Variants in EXOC4 observed in about 807,000 individuals in gnomAD.
EXOC4 encodes exocyst complex component 4, also known as SEC8-like 1.
A neutral mutation model predicts 107.2 loss-of-function variants in EXOC4; 71 were observed. That is an observed-to-expected ratio of 0.66 (90% CI 0.55 to 0.81). The LOEUF (loss-of-function observed/expected upper bound fraction) is 0.81. Among genes scored for constraint, EXOC4 ranks in the 30% least tolerant of loss-of-function variants. The probability of loss-of-function intolerance (pLI) is 0.00; values close to 1 mark genes in which losing one functional copy is unlikely to be tolerated. For synonymous variants in EXOC4, 456 were observed against 441.2 expected, an observed-to-expected ratio of 1.03 and a Z score of -0.42; for missense variants, 1,108 against 1,189.6, an observed-to-expected ratio of 0.93 and a Z score of 1.01.
the EXOC4 span, among the ~76,000 whole-genome samples, chr7:134,097,292 T>C: frequency 6.6e-6 from 1 of 152,066 alleles, no homozygotes. Flanking sequence ...CTCCCAGCTC[T>C]TGGTCATCTC....
At chr7:133,979,297 G>A (rs1793916516) in intron 14 of EXOC4, among the ~76,000 whole-genome samples, 1 of 152,068 alleles carries the variant, frequency 6.6e-6, no homozygotes, top group Non-Finnish European at 1.5e-5. Context: ...ACCAGGTAAA[G>A]GTAATCACAC....
intron 17 of EXOC4, among the ~76,000 whole-genome samples, chr7:134,035,429 TTAGG>T (rs1795366994): frequency 6.6e-6 from 1 of 152,072 alleles, no homozygotes; most frequent in Non-Finnish European, 1.5e-5. Flanking sequence ...AAATAGTGGT[TTAGG>T]TAGTTAATTT....
rs1219436643 is a variant in EXOC4, at chr7:133,895,711, A to G, written c.1847A>G (p.Lys616Arg). ...GTGTGCGTGAAGCTCCAGGAGTACA[A>G]GGACACCTGCACTGCAGCTTACAGG... is the stretch of plus-strand genomic sequence containing the variant. Reference protein sequence around the residue: ...NMVCVKLQEYKDTCTAAYRGI... With the variant: ...NMVCVKLQEYRDTCTAAYRGI... The change falls in exon 12 of 18, where the codon AAG becomes AGG. Residue 616 changes from lysine to arginine, a missense_variant. Lys to Arg is a conservative substitution (Grantham distance 26, BLOSUM62 2). Transcript: ENST00000253861. 1 of 1,614,110 alleles carries G rather than the reference A, an allele frequency of 6.2e-7. No individual in the cohort carries two copies. The highest frequency in any genetic ancestry group is 2.2e-5 in the East Asian group (1 of 44,880).
chr7:133,410,764 C>T (rs1797338267), intron 7 of EXOC4, among the ~76,000 whole-genome samples: 2 of 152,064 alleles, frequency 1.3e-5, no homozygotes, highest in African/African-American at 2.4e-5. Flanking sequence ...TCTATATATG[C>T]TTATATAGTT....
chr7:133,567,772 A>G (rs1209869424), intron 9 of EXOC4, among the ~76,000 whole-genome samples: 1 of 152,212 alleles, frequency 6.6e-6, no homozygotes, highest in Non-Finnish European at 1.5e-5. Context: ...AAATGAACAC[A>G]GGAGACAGAA....
rs57502019 is a variant in EXOC4, at chr7:133,728,428, A to T, written c.1515-88897A>T. Among the ~76,000 whole-genome samples the T allele has an allele frequency of 1.5e-3, 234 of 152,362 alleles. 1 individual carries two copies. The highest frequency in any genetic ancestry group is 5.3e-3 in the African/African-American group (222 of 41,590). On this transcript the variant is annotated intron_variant, in intron 10 of 17. Coordinates refer to ENST00000253861, the MANE Select transcript of EXOC4 (RefSeq NM_021807.4). ...ACAGTTTTTTATTTCAGAACTGTAG[A>T]TAACATTGAGAGTTATAGACTGTCT...
intron 7 of EXOC4, among the ~76,000 whole-genome samples, chr7:133,414,292 A>T (rs140624377): frequency 6.6e-6 from 1 of 152,190 alleles, no homozygotes; most frequent in African/African-American, 2.4e-5. Context: ...CTATTGATTG[A>T]CAATACCTAA....
intron 16 of EXOC4, 79 bp downstream of exon 16, chr7:134,005,169 T>A (rs1207484211): frequency 2.1e-6 from 3 of 1,404,864 alleles, no homozygotes; most frequent in Non-Finnish European, 2.9e-6. Context: ...ATTACTGAAG[T>A]TCAAGACTTG....
At chr7:133,288,752 T>C (rs1039863263) in intron 2 of EXOC4, among the ~76,000 whole-genome samples, 170 bp from the exon 3 acceptor site, 5 of 152,024 alleles carry the variant, frequency 3.3e-5, no homozygotes, top group Non-Finnish European at 7.4e-5. Context: ...CCCAAGTGAG[T>C]CTATGTCAGA....
At chr7:133,566,463 A>C (rs1231855185) in intron 9 of EXOC4, among the ~76,000 whole-genome samples, 1 of 152,238 alleles carries the variant, frequency 6.6e-6, no homozygotes, top group Non-Finnish European at 1.5e-5. Flanking sequence ...AGTGCAGACT[A>C]AAATAGGATT....
rs149031645 is a variant in EXOC4, at chr7:133,794,403, A to G, written c.1515-22922A>G. Among the ~76,000 whole-genome samples, 21 of 152,320 alleles carry G rather than the reference A, an allele frequency of 1.4e-4. No individual in the cohort carries two copies. In the East Asian group the frequency reaches 3.7e-3, roughly 27 times the overall value. On this transcript the variant is annotated intron_variant, in intron 10 of 17. Coordinates refer to ENST00000253861, the MANE Select transcript of EXOC4 (RefSeq NM_021807.4). ...CGACTAGCCCCTTGGTGACTGTCCC[A>G]GTAACATGGAGGCTACCTGGCCTCC...
chr7:133,440,493 C>G (rs533982856), intron 7 of EXOC4, among the ~76,000 whole-genome samples: 1 of 152,260 alleles, frequency 6.6e-6, no homozygotes, highest in South Asian at 2.1e-4. Context: ...CAGAGCAACT[C>G]CATCTTGGGT....
intron 10 of EXOC4, among the ~76,000 whole-genome samples, chr7:133,713,862 C>T (rs1247816851): frequency 6.6e-6 from 1 of 152,190 alleles, no homozygotes; most frequent in Admixed American, 6.5e-5. Context: ...ACATGCTGAA[C>T]TGTGAGCCAA....
intron 10 of EXOC4, among the ~76,000 whole-genome samples, chr7:133,762,263 A>G (rs1008737548): frequency 1.2e-4 from 19 of 152,188 alleles, no homozygotes; most frequent in African/African-American, 4.3e-4. Context: ...CTGGTTTGCA[A>G]CTATATTATA....
intron 10 of EXOC4, among the ~76,000 whole-genome samples, chr7:133,772,783 G>A (rs1304551995): frequency 6.6e-6 from 1 of 152,004 alleles, no homozygotes; most frequent in Non-Finnish European, 1.5e-5. Context: ...AATTTGCCAA[G>A]ATTGTGCAGT....
intron 17 of EXOC4, among the ~76,000 whole-genome samples, chr7:134,008,564 T>C (rs557001259): frequency 2.0e-5 from 3 of 152,184 alleles, no homozygotes; most frequent in Non-Finnish European, 2.9e-5. Context: ...CTTGTTCCAA[T>C]TGAAACCCAT....
chr7:133,925,062 T>G (rs73438995), intron 13 of EXOC4, among the ~76,000 whole-genome samples: 1 of 152,306 alleles, frequency 6.6e-6, no homozygotes, highest in African/African-American at 2.4e-5. Flanking sequence ...ATTTAGCACT[T>G]TAGAGTACCA....
At chr7:133,881,733 C>A (rs1025751027) in intron 11 of EXOC4, among the ~76,000 whole-genome samples, 5 of 152,156 alleles carry the variant, frequency 3.3e-5, no homozygotes, top group Admixed American at 6.5e-5. Context: ...GCTGTTTCCC[C>A]AAACAACTTC....
At chr7:133,681,963 G>A (rs951120221) in intron 10 of EXOC4, among the ~76,000 whole-genome samples, 7 of 152,060 alleles carry the variant, frequency 4.6e-5, no homozygotes, top group African/African-American at 1.7e-4. Context: ...GAGTGCAGTG[G>A]CATGATCATA....
Sources: gnomAD v4.1 joint callset for allele counts (sites outside exome capture counted in the v4.1 genomes callset) on GRCh38, gnomAD v4.1.1 for gene constraint, MANE v1.5 for transcripts, NCBI Gene and HGNC (gene_info 2026-07-23, HGNC 2026-07-21) for gene names.